The following ZNF175 variants were observed in gnomAD, a reference collection of about 807,000 sequenced individuals.
ZNF175 encodes the protein zinc finger protein OTK18.
Under a neutral mutation model 14.0 loss-of-function variants are expected in ZNF175, and 8 were observed. The observed-to-expected ratio is 0.57, with a 90% confidence interval of 0.34 to 1.03. ZNF175 has a LOEUF of 1.03. Among genes scored for constraint, ZNF175 ranks in the 50% least tolerant of loss-of-function variants. The pLI, the probability that ZNF175 is intolerant of heterozygous loss-of-function variation, is 0.03. For missense variants in ZNF175, 764 were observed against 849.5 expected, an observed-to-expected ratio of 0.90 and a Z score of 1.25; for synonymous variants, 255 against 296.8, an observed-to-expected ratio of 0.86 and a Z score of 1.45.
In ZNF175 at chr19:51,587,805, A is replaced by T; in HGVS notation, c.1474A>T (p.Ile492Leu). Reference protein sequence around the residue: ...KSFISKSQLDIHHRIHTGEKP... With the variant: ...KSFISKSQLDLHHRIHTGEKP... ...CTTCATTTCCAAGTCACAGCTTGAT[A>T]TACATCATCGAATTCATACAGGGGA... The change falls in exon 5 of 5, where the codon ATA becomes TTA. Residue 492 changes from isoleucine (I) to leucine (L), a missense_variant. Transcript: ENST00000262259. 1 of 1,614,186 alleles carries T rather than the reference A, an allele frequency of 6.2e-7. No homozygotes were observed. Among genetic ancestry groups the T allele is most frequent in the Non-Finnish European group, 8.5e-7 (1 of 1,180,026 alleles).
chr19:51,579,653 T>C (rs1981930412), intron 2 of ZNF175, among the ~76,000 whole-genome samples: 1 of 152,218 alleles, frequency 6.6e-6, no homozygotes. Flanking sequence ...TGTGTGCTGC[T>C]GGTAAGCATA....
intron 2 of ZNF175, among the ~76,000 whole-genome samples, chr19:51,581,027 A>G (rs1981979133): frequency 1.3e-5 from 2 of 152,120 alleles, no homozygotes; most frequent in South Asian, 4.1e-4. Flanking sequence ...GAGTTGCTGC[A>G]AGAGTAGAAG....
At chr19:51,577,700 G>A (rs1842476295) in intron 2 of ZNF175, among the ~76,000 whole-genome samples, 1 of 120,786 alleles carries the variant, frequency 8.3e-6, no homozygotes, top group Non-Finnish European at 1.6e-5. Context: ...GTCTCACTCT[G>A]TCGCCCAGGC....
At chr19:51,575,865 C>T (rs776406883) in intron 2 of ZNF175, among the ~76,000 whole-genome samples, 1 of 152,196 alleles carries the variant, frequency 6.6e-6, no homozygotes, top group Non-Finnish European at 1.5e-5. Flanking sequence ...CTTGCCCATC[C>T]TTCTCTAGAA....
Position 51,587,044 on chromosome 19 carries a change from C to A in ZNF175, c.713C>A (p.Ser238Tyr). The A allele has an allele frequency of 1.2e-6, 2 of 1,614,234 alleles. No homozygotes were observed. Among genetic ancestry groups the A allele is most frequent in the Non-Finnish European group, 1.7e-6 (2 of 1,180,022 alleles). ...GGTCAGCTATTCAGCCATAGCTCTT[C>A]TGATGCCTGCAGCAAGAATATTCAT... is the stretch of plus-strand genomic sequence containing the variant. ...GSGQLFSHSSSDACSKNIHTG... is the reference protein window; with the variant it reads ...GSGQLFSHSSYDACSKNIHTG... The change falls in exon 5 of 5, where the codon TCT becomes TAT. Residue 238 changes from serine to tyrosine, a missense_variant. By Grantham distance (144) the Ser-to-Tyr change is moderately radical (BLOSUM62 -2). Transcript: ENST00000262259.
intron 2 of ZNF175, among the ~76,000 whole-genome samples, chr19:51,576,325 T>C (rs1262758029): frequency 6.6e-6 from 1 of 152,032 alleles, no homozygotes; most frequent in Non-Finnish European, 1.5e-5. Context: ...AATTTTTATA[T>C]TTTTAGTAGA....
chr19:51,589,752 G>A lies in ZNF175; in HGVS notation c.*1285G>A, dbSNP rs923009918. 1.2e-5 allele frequency: 7 copies of A among 586,462 alleles called. No homozygotes were observed. Among genetic ancestry groups the A allele is most frequent in the African/African-American group, 9.3e-5 (5 of 53,732 alleles). 36.3% of individuals were successfully genotyped at this position (586,462 alleles called of 1,614,324 possible). A position where few individuals can be genotyped will look rare whatever the true frequency, so the allele number is the denominator to read the frequency against. ...TGTTCATTTGGACATGTATTGTCTG[G>A]GCTTCTTTTGTGCTGCACTGGCAGA... On this transcript the variant is annotated 3_prime_UTR_variant, in exon 5 of 5. Transcript: ENST00000262259.
In ZNF175 at chr19:51,589,834, ACT is replaced by A. The variant is rs1451347361; in HGVS notation, c.*1372_*1373del. 11 of 543,888 alleles carry A rather than the reference ACT, an allele frequency of 2.0e-5. No homozygotes were observed. The highest frequency in any genetic ancestry group is 2.9e-5 in the Non-Finnish European group (9 of 308,312). 33.7% of individuals were successfully genotyped at this position (543,888 alleles called of 1,614,324 possible). On this transcript the variant is annotated 3_prime_UTR_variant, in exon 5 of 5. Coordinates refer to ENST00000262259, the MANE Select transcript of ZNF175 (RefSeq NM_007147.4). ...CCCAAGCTGGAAACTGAAAATATCT[ACT>A]CTCTGGCTCTTTACAGAAAATGTTT...
rs1982171491 is a variant in ZNF175 at position 51,586,652 on chromosome 19, A to G, written c.321A>G (p.Pro107=). 6.3e-7 allele frequency: 1 copy of G among 1,598,632 alleles called. No individual in the cohort carries two copies. The highest frequency in any genetic ancestry group is 8.5e-7 in the Non-Finnish European group (1 of 1,173,152). Residue 107 remains proline (P), a synonymous_variant, in exon 5 of 5, where the codon CCA becomes CCG. Transcript: ENST00000262259. ...AAAGGGAGTTTGGGCTTGAAATCCC[A>G]CAAAAGGAGATTTCTAAGAAAGCTT... ...CQEREFGLEI[P]QKEISKKASF...
chr19:51,585,360 G>C (rs1014947263), intron 4 of ZNF175, among the ~76,000 whole-genome samples: 2 of 152,178 alleles, frequency 1.3e-5, no homozygotes, highest in Admixed American at 1.3e-4. Context: ...TTTCAGTTTT[G>C]CAAGATGTAA....
rs899441134 is a variant in ZNF175 at position 51,573,258 on chromosome 19, A to G, written c.-72A>G. On this transcript the variant is annotated 5_prime_UTR_variant, in exon 2 of 5. Transcript: ENST00000262259. ...CCCTGGTTGGAAAATCCAAACACCT[A>G]TCCAGCTTCTGGCTCCTGGGAAAAG... The G allele has an allele frequency of 5.3e-6, 8 of 1,520,660 alleles. No individual in the cohort carries two copies. Among genetic ancestry groups the G allele is most frequent in the East Asian group, 2.3e-5 (1 of 44,290 alleles). The allele number at this position is 1,520,660 out of a possible 1,614,324, so 94.2% of individuals were successfully genotyped here.
In ZNF175 at chr19:51,592,319, C is replaced by T. The variant is rs1982378307; in HGVS notation, c.*3852C>T. ...ACTTAACCTCTCTGCCTTAATTTCTCCAGCAGCACAATGGGAATAATAATA... is the reference window on the plus strand; with the variant it reads ...ACTTAACCTCTCTGCCTTAATTTCTTCAGCAGCACAATGGGAATAATAATA... On this transcript the variant is annotated 3_prime_UTR_variant, in exon 5 of 5. Coordinates refer to ENST00000262259, the MANE Select transcript of ZNF175 (RefSeq NM_007147.4). 1.1e-5 allele frequency: 3 copies of T among 272,694 alleles called. No individual in the cohort carries two copies. The highest frequency in any genetic ancestry group is 8.9e-5 in the East Asian group (1 of 11,286). 16.9% of individuals were successfully genotyped at this position (272,694 alleles called of 1,614,324 possible).
chr19:51,573,039 T>C (rs1398652789), intron 1 of ZNF175, 111 bp from the exon 2 acceptor site: 2 of 384,814 alleles, frequency 5.2e-6, no homozygotes, highest in African/African-American at 4.2e-5. Flanking sequence ...TTGGGCTTTC[T>C]GAACTTTGTC....
At position 51,581,447 on chromosome 19, in the gene ZNF175, A is replaced by G. The variant is rs2122569192; in HGVS notation, c.129A>G (p.Gln43=). The change falls in exon 3 of 5, where the codon CAA becomes CAG. Residue 43 remains glutamine, a synonymous_variant. Transcript: ENST00000262259. ...TVDFSREEWQ[Q]LDPAQRCLYR... ...ACTTCAGCAGGGAGGAGTGGCAGCA[A>G]CTGGACCCTGCCCAGAGATGCCTGT... 2 of 1,614,120 alleles carry G rather than the reference A, an allele frequency of 1.2e-6. No homozygotes were observed. The highest frequency in any genetic ancestry group is 1.7e-6 in the Non-Finnish European group (2 of 1,180,024).
chr19:51,589,546 A>G lies in ZNF175; in HGVS notation c.*1079A>G, dbSNP rs1429990684. 1.4e-6 allele frequency: 1 copy of G among 701,998 alleles called. No homozygotes were observed. 43.5% of individuals were successfully genotyped at this position (701,998 alleles called of 1,614,324 possible). On this transcript the variant is annotated 3_prime_UTR_variant, in exon 5 of 5. Coordinates refer to ENST00000262259, the MANE Select transcript of ZNF175 (RefSeq NM_007147.4). ...TATATTACAGATTTTCTCTTCTTTT[A>G]GGATTAGCTCAGCTTGCCCCCCCTT...
chr19:51,587,202 A>T lies in ZNF175; in HGVS notation c.871A>T (p.Lys291Ter). ...TGAATGTGGGGGGAGCTTCACCCAG[A>T]AGTCACACCTCTTTGCCCAACAGAG... is the stretch of plus-strand genomic sequence containing the variant. ...CSECGGSFTQKSHLFAQQRIH... is the reference protein window; with the variant it reads ...CSECGGSFTQ Residue 291 changes from lysine (K) to a stop codon, truncating the protein, a stop_gained, in exon 5 of 5, where the codon AAG becomes TAG. Transcript: ENST00000262259. LOFTEE classifies it low-confidence loss of function (END_TRUNC). The T allele has an allele frequency of 6.2e-7, 1 of 1,614,200 alleles. No individual in the cohort carries two copies. The highest frequency in any genetic ancestry group is 8.5e-7 in the Non-Finnish European group (1 of 1,180,028).
Position 51,586,810 on chromosome 19 carries a change from C to G in ZNF175, c.479C>G (p.Ala160Gly). The G allele has an allele frequency of 6.2e-7, 1 of 1,614,158 alleles. No individual in the cohort carries two copies. Among genetic ancestry groups the G allele is most frequent in the Non-Finnish European group, 8.5e-7 (1 of 1,180,006 alleles). Residue 160 changes from alanine (A) to glycine (G), a missense_variant, in exon 5 of 5, where the codon GCT becomes GGT. Coordinates refer to ENST00000262259, the MANE Select transcript of ZNF175 (RefSeq NM_007147.4). ...QNQIQPMSHS[A>G]FFNKKTLNTE... ...CAAATTCAACCCATGAGTCACAGTG[C>G]TTTCTTCAACAAGAAAACATTGAAC...
At position 51,587,470 on chromosome 19, in the gene ZNF175, G is replaced by A; in HGVS notation, c.1139G>A (p.Arg380Lys). ...TTTTTCCAGATGTTATCTCTCTTCA[G>A]ACATCAGAGAACTCACAGTAGAGAA... is the stretch of plus-strand genomic sequence containing the variant. ...KAFFQMLSLFRHQRTHSREKL... is the reference protein window; with the variant it reads ...KAFFQMLSLFKHQRTHSREKL... The change falls in exon 5 of 5, where the codon AGA becomes AAA. Residue 380 changes from arginine (R) to lysine (K), a missense_variant. Transcript: ENST00000262259. The A allele has an allele frequency of 6.2e-7, 1 of 1,614,198 alleles. No individual in the cohort carries two copies. The highest frequency in any genetic ancestry group is 8.5e-7 in the Non-Finnish European group (1 of 1,180,030).
In ZNF175 at chr19:51,587,391, CAGAAAACACACACT is replaced by C; in HGVS notation, c.1066_1079del (p.Thr356GlufsTer4). The C allele has an allele frequency of 6.2e-7, 1 of 1,614,002 alleles. No homozygotes were observed. On this transcript the variant is annotated frameshift_variant, in exon 5 of 5. Transcript: ENST00000262259. LOFTEE classifies it low-confidence loss of function (END_TRUNC). ...TCAGAGATCAGAATTGCTTACGCAC[CAGAAAACACACACT>C]AGAAAGAAGCCCTATAAATGCCATG...
Sources: allele counts gnomAD v4.1 joint callset (sites outside exome capture counted in the v4.1 genomes callset), GRCh38; gene constraint gnomAD v4.1.1; transcripts MANE v1.5; gene names NCBI Gene and HGNC (gene_info 2026-07-23, HGNC 2026-07-21).